The following ZNF25 variants were observed in gnomAD, a reference collection of about 807,000 sequenced individuals.
ZNF25 encodes the protein zinc finger protein 25 (KOX 19).
ZNF25 carries 21 observed loss-of-function variants against 30.9 expected under a neutral mutation model. The ratio of observed to expected loss-of-function variants is 0.68; its 90% CI spans 0.48 to 0.98. The LOEUF (loss-of-function observed/expected upper bound fraction) is 0.98. ZNF25 is among the 50% of genes least tolerant of loss of function. The pLI is 0.00. For synonymous variants in ZNF25, 169 were observed against 181.3 expected (o/e 0.93, Z 0.55); for missense variants, 501 against 529.9 (o/e 0.95, Z 0.54).
At chr10:37,953,385 A>G (rs2062302293) in intron 5 of ZNF25, 190 bp from the exon 6 acceptor site, 1 of 629,688 alleles carries the variant, frequency 1.6e-6, no homozygotes, top group Non-Finnish European at 2.7e-6. Flanking sequence ...ACATTTGGTA[A>G]GGTGAATCTG....
chr10:37,969,555 G>C (rs193244664), intron 2 of ZNF25, among the ~76,000 whole-genome samples: 4 of 152,284 alleles, frequency 2.6e-5, no homozygotes, highest in East Asian at 1.9e-4. Flanking sequence ...GAAATATCTA[G>C]ACTAGGTAGA....
In ZNF25 at chr10:37,950,832, T is replaced by G. The variant is rs2135257300; in HGVS notation, c.*1295A>C. ...AGTCCACACCCTTAACTATGCCATGTTGCTTCTATGAGGAAGAAAAAGTTG... is the reference window on the plus strand; with the variant it reads ...AGTCCACACCCTTAACTATGCCATGGTGCTTCTATGAGGAAGAAAAAGTTG... On this transcript the variant is annotated 3_prime_UTR_variant, in exon 6 of 6. Transcript: ENST00000302609. 1 of 152,270 alleles carries G rather than the reference T, an allele frequency of 6.6e-6. No homozygotes were observed. The highest frequency in any genetic ancestry group is 1.5e-5 in the Non-Finnish European group (1 of 68,024). 9.4% of individuals were successfully genotyped at this position (152,270 alleles called of 1,614,324 possible).
chr10:37,960,375 G>A (rs990081247), intron 2 of ZNF25, among the ~76,000 whole-genome samples: 11 of 151,600 alleles, frequency 7.3e-5, no homozygotes, highest in Non-Finnish European at 5.9e-5. Flanking sequence ...AGCACTTCGG[G>A]AGGCTGAGGC....
chr10:37,952,405 TG>T lies in ZNF25; in HGVS notation c.1092del (p.His364GlnfsTer18), dbSNP rs1334965270. On this transcript the variant is annotated frameshift_variant, in exon 6 of 6. Transcript: ENST00000302609. LOFTEE classifies it low-confidence loss of function (END_TRUNC). ...GTGCATTCATAGGGCTTCTCCCCTGTGTGTTTTCTCTGATGTTTAGTGAGGT... is the reference window on the plus strand; with the variant it reads ...GTGCATTCATAGGGCTTCTCCCCTGTTGTTTTCTCTGATGTTTAGTGAGGT... ...KSDLTKHQRK[H>X]TGEKPYECTE... The T allele has an allele frequency of 1.7e-5, 27 of 1,614,022 alleles. No homozygotes were observed. Among genetic ancestry groups the T allele is most frequent in the Non-Finnish European group, 2.2e-5 (26 of 1,180,016 alleles).
chr10:37,964,244 A>G (rs1452030230), intron 2 of ZNF25, among the ~76,000 whole-genome samples: 1 of 152,180 alleles, frequency 6.6e-6, no homozygotes, highest in African/African-American at 2.4e-5. Context: ...ACTAACACAA[A>G]ATAGGTACTG....
chr10:37,953,396 C>T lies in ZNF25; in HGVS notation c.303-201G>A, dbSNP rs933423391. Reference sequence around the variant, plus strand: ...TTTAACATTTGGTAAGGTGAATCTGCATTTGCATTCTATTCACAGGGTCTC... The same window carrying T: ...TTTAACATTTGGTAAGGTGAATCTGTATTTGCATTCTATTCACAGGGTCTC... On this transcript the variant is annotated intron_variant, in intron 5 of 5. Coordinates refer to ENST00000302609, the MANE Select transcript of ZNF25 (RefSeq NM_145011.4). 6.5e-6 allele frequency: 4 copies of T among 616,772 alleles called. No individual in the cohort carries two copies. In the African/African-American group the frequency reaches 7.4e-5, roughly 11 times the overall value. The allele number at this position is 616,772 out of a possible 1,614,324, so 38.2% of individuals were successfully genotyped here.
chr10:37,975,667 C>A (rs2135476252), intron 1 of ZNF25, among the ~76,000 whole-genome samples: 1 of 152,328 alleles, frequency 6.6e-6, no homozygotes, highest in Non-Finnish European at 1.5e-5. Flanking sequence ...TCACAGTCCT[C>A]TGAGAAGAGA....
Position 37,957,551 on chromosome 10 carries a change from A to C in ZNF25, c.16-5T>G. On this transcript the variant is annotated splice_region_variant and splice_polypyrimidine_tract_variant and intron_variant, in intron 2 of 5. Coordinates refer to ENST00000302609, the MANE Select transcript of ZNF25 (RefSeq NM_145011.4). ...ATCCTTTAATGTCACGGGTCCCTGG[A>C]ATAACATACTTCAGTTCAATTTGAA... The C allele has an allele frequency of 4.3e-6, 7 of 1,612,270 alleles. No individual in the cohort carries two copies. The highest frequency in any genetic ancestry group is 5.9e-6 in the Non-Finnish European group (7 of 1,179,216).
intron 2 of ZNF25, among the ~76,000 whole-genome samples, chr10:37,963,919 G>A (rs1391625272): frequency 6.6e-6 from 1 of 152,160 alleles, no homozygotes; most frequent in East Asian, 1.9e-4. Flanking sequence ...AGGTTGCCGT[G>A]AGCCAAGATC....
At chr10:37,967,940 CTA>C (rs1163028795) in intron 2 of ZNF25, 1 of 152,152 alleles carries the variant, frequency 6.6e-6, no homozygotes, top group Non-Finnish European at 1.5e-5. Context: ...ATGGATTCTT[CTA>C]TATGACACCA....
chr10:37,971,012 A>G (rs1414158294), intron 2 of ZNF25, among the ~76,000 whole-genome samples: 1 of 152,174 alleles, frequency 6.6e-6, no homozygotes, highest in Non-Finnish European at 1.5e-5. Flanking sequence ...GTTATAAAAT[A>G]TATTTTTAAA....
chr10:37,954,716 A>G (rs2062406412), intron 4 of ZNF25, among the ~76,000 whole-genome samples: 1 of 152,180 alleles, frequency 6.6e-6, no homozygotes, highest in Non-Finnish European at 1.5e-5. Flanking sequence ...CTTCATATTT[A>G]TGCATCTTTA....
rs2062073904 is a variant in ZNF25, at chr10:37,950,244, CATAA to C, written c.*1879_*1882del. The C allele has an allele frequency of 6.6e-6, 1 of 152,612 alleles. No homozygotes were observed. Among genetic ancestry groups the C allele is most frequent in the Non-Finnish European group, 1.5e-5 (1 of 68,036 alleles). 9.5% of individuals were successfully genotyped at this position (152,612 alleles called of 1,614,324 possible). On this transcript the variant is annotated 3_prime_UTR_variant, in exon 6 of 6. Transcript: ENST00000302609. ...AGTGCAAAGACAGCCACAGGTCAAA[CATAA>C]ATAGGTGTTTTTTGTTTGTATTCAT... is the stretch of plus-strand genomic sequence containing the variant.
intron 2 of ZNF25, among the ~76,000 whole-genome samples, chr10:37,965,599 T>C (rs2063138617): frequency 6.6e-6 from 1 of 152,138 alleles, no homozygotes; most frequent in South Asian, 2.1e-4. Flanking sequence ...GCTAAAGGAC[T>C]CTGTTTCTAG....
intron 2 of ZNF25, among the ~76,000 whole-genome samples, chr10:37,967,555 T>G (rs953639904): frequency 2.6e-5 from 4 of 151,838 alleles, no homozygotes; most frequent in African/African-American, 9.7e-5. Context: ...GGACTAAAAG[T>G]GCACACCACC....
chr10:37,968,948 T>C (rs1449320835), intron 2 of ZNF25, among the ~76,000 whole-genome samples: 1 of 152,046 alleles, frequency 6.6e-6, no homozygotes, highest in African/African-American at 2.4e-5. Flanking sequence ...ATCACCTGCA[T>C]ATACCAATTG....
chr10:37,957,028 C>A lies in ZNF25; in HGVS notation c.230G>T (p.Gly77Val), dbSNP rs1396453071. The change falls in exon 4 of 6, where the codon GGC becomes GTC. Residue 77 changes from glycine to valine, a missense_variant. By Grantham distance (109) the Gly-to-Val change is moderately radical. Coordinates refer to ENST00000302609, the MANE Select transcript of ZNF25 (RefSeq NM_145011.4). Reference protein sequence around the residue: ...WILEVEFPHRGFPEDLWSIHD... With the variant: ...WILEVEFPHRVFPEDLWSIHD... ...AATTTCTTCTAACTCACCAGGGAAGCCCCGATGTGGAAATTCTACTTCTAA... is the reference window on the plus strand; with the variant it reads ...AATTTCTTCTAACTCACCAGGGAAGACCCGATGTGGAAATTCTACTTCTAA... 6.8e-6 allele frequency: 11 copies of A among 1,613,748 alleles called. No homozygotes were observed. In the South Asian group the frequency reaches 1.2e-4, roughly 18 times the overall value.
At chr10:37,971,831 T>C in intron 1 of ZNF25, 24 bp from the exon 2 acceptor site, 2 of 1,478,642 alleles carry the variant, frequency 1.4e-6, no homozygotes, top group Non-Finnish European at 1.9e-6. Flanking sequence ...CCATACAACA[T>C]TTTAGTAAAA....
In ZNF25 at chr10:37,953,229, A is replaced by C. The variant is rs777474363; in HGVS notation, c.303-34T>G. 8 of 1,535,980 alleles carry C rather than the reference A, an allele frequency of 5.2e-6. No individual in the cohort carries two copies. In the African/African-American group the frequency reaches 7.0e-5, roughly 13 times the overall value. On this transcript the variant is annotated intron_variant, in intron 5 of 5. Transcript: ENST00000302609. The stretch of plus-strand genomic sequence containing the variant: ...AAAGTTCCACATTCATTAATGTGTA[A>C]GACTTTTAAGGCTTTTTGTTCCCCC...
Sources: gnomAD v4.1 joint callset for allele counts (sites outside exome capture counted in the v4.1 genomes callset) on GRCh38, gnomAD v4.1.1 for gene constraint, MANE v1.5 for transcripts, NCBI Gene and HGNC (gene_info 2026-07-23, HGNC 2026-07-21) for gene names.